MIGA1: variants seen among roughly 807,000 people sequenced by gnomAD.
MIGA1 encodes mitoguardin 1.
In MIGA1, 58 loss-of-function variants were observed where a neutral mutation model predicts 82.0. The observed-to-expected ratio is 0.71, with a 90% CI of 0.57 to 0.88. The LOEUF (loss-of-function observed/expected upper bound fraction) is 0.88. Among genes scored for constraint, MIGA1 ranks in the 40% least tolerant of loss-of-function variants. The probability of loss-of-function intolerance (pLI) is 0.00; values close to 1 mark genes in which losing one functional copy is unlikely to be tolerated. For synonymous variants in MIGA1, 249 were observed against 253.6 expected (o/e 0.98, Z 0.17); for missense variants, 751 against 749.1 (o/e 1.00, Z -0.03).
intron 8 of MIGA1, among the ~76,000 whole-genome samples, chr1:77,843,791 T>TTA (rs1378721466): frequency 1.3e-5 from 2 of 151,868 alleles, no homozygotes; most frequent in Admixed American, 6.6e-5. Context: ...GATTCAAAGA[T>TTA]TATATATATA....
intron 14 of MIGA1, 150 bp from the exon 15 acceptor site, chr1:77,872,854 G>A: frequency 1.1e-6 from 1 of 882,528 alleles, no homozygotes; most frequent in South Asian, 1.4e-5. Context: ...GAGGCCAGGA[G>A]TTTGAGGTGT....
intron 1 of MIGA1, chr1:77,782,861 T>C (rs1399840168): frequency 2.6e-5 from 26 of 984,668 alleles, no homozygotes; most frequent in Non-Finnish European, 3.1e-5. Flanking sequence ...CGCAGTTATA[T>C]GAAGGAAACC....
At chr1:77,812,547 G>A (rs1010547443) in intron 5 of MIGA1, among the ~76,000 whole-genome samples, 2 of 151,886 alleles carry the variant, frequency 1.3e-5, no homozygotes, top group African/African-American at 4.8e-5. Flanking sequence ...TGAGAGGAGA[G>A]GTATTTTTTA....
rs543249419 is a variant in MIGA1, at chr1:77,804,908, T to C, written c.510+1502T>C. Among the ~76,000 whole-genome samples the C allele has an allele frequency of 4.8e-4, 73 of 152,202 alleles. No individual in the cohort carries two copies. In the South Asian group the frequency reaches 0.015, roughly 31 times the overall value. Reference sequence around the variant, plus strand: ...TCCCAAACTGCTAGGATTACAGGCATGAGCCACCATGCCTGGCCTGTATTC... The same window carrying C: ...TCCCAAACTGCTAGGATTACAGGCACGAGCCACCATGCCTGGCCTGTATTC... On this transcript the variant is annotated intron_variant, in intron 4 of 15. Transcript: ENST00000370791.
chr1:77,818,729 C>T (rs533175873), intron 7 of MIGA1, among the ~76,000 whole-genome samples: 3 of 151,974 alleles, frequency 2.0e-5, no homozygotes, highest in South Asian at 4.2e-4. Flanking sequence ...CTGTATAGTT[C>T]GAGACCAGCC....
intron 15 of MIGA1, among the ~76,000 whole-genome samples, chr1:77,873,639 T>C (rs757163621): frequency 2.6e-5 from 4 of 152,212 alleles, no homozygotes; most frequent in Non-Finnish European, 5.9e-5. Context: ...ATACAAGTTA[T>C]AGCTCCTTAT....
intron 14 of MIGA1, among the ~76,000 whole-genome samples, chr1:77,867,347 T>C (rs916569531): frequency 2.0e-5 from 3 of 152,118 alleles, no homozygotes; most frequent in Non-Finnish European, 2.9e-5. Context: ...GTTTTAGAGA[T>C]AGGGTCTTGC....
At position 77,832,016 on chromosome 1, in the gene MIGA1, G is replaced by T. The variant is rs561877417; in HGVS notation, c.896-11291G>T. ...ATTTCATTTCCTTCTAAAATTAATT[G>T]GGCTTCATATTTTGTGTAGTTACAC... On this transcript the variant is annotated intron_variant, in intron 7 of 15. Transcript: ENST00000370791. Among the ~76,000 whole-genome samples, 11 of 152,206 alleles carry T rather than the reference G, an allele frequency of 7.2e-5. No homozygotes were observed. The South Asian group carries it at 2.3e-3, about 32-fold the overall frequency.
chr1:77,831,148 G>A (rs1684229858), intron 7 of MIGA1, among the ~76,000 whole-genome samples: 1 of 152,162 alleles, frequency 6.6e-6, no homozygotes, highest in South Asian at 2.1e-4. Context: ...ATAAGAACTT[G>A]AAAGTAAACA....
At chr1:77,792,822 C>G (rs1333274655) in intron 2 of MIGA1, among the ~76,000 whole-genome samples, 3 of 149,820 alleles carry the variant, frequency 2.0e-5, no homozygotes, top group African/African-American at 7.4e-5. Flanking sequence ...GAGTCTCACC[C>G]TTGTAGCCCA....
At chr1:77,866,685 ATTTT>A (rs67081783) in intron 14 of MIGA1, among the ~76,000 whole-genome samples, 2 of 129,148 alleles carry the variant, frequency 1.5e-5, no homozygotes, top group Non-Finnish European at 1.6e-5. Flanking sequence ...AATGATATTA[ATTTT>A]TTTTTTTTTT....
chr1:77,782,738 TAGG>T (rs1325832614), intron 1 of MIGA1: 1 of 253,792 alleles, frequency 3.9e-6, no homozygotes, highest in East Asian at 1.8e-4. Context: ...AATGAGACAA[TAGG>T]AGAATAAATG....
rs1389205528 is a variant in MIGA1 at position 77,878,645 on chromosome 1, A to G, written c.*3581A>G. On this transcript the variant is annotated 3_prime_UTR_variant, in exon 16 of 16. Transcript: ENST00000370791. Reference sequence around the variant, plus strand: ...GAAAATATCCTTTTTTCTAGAAGAAAGAAGATAAATTTTGAGGCAATTTAC... The same window carrying G: ...GAAAATATCCTTTTTTCTAGAAGAAGGAAGATAAATTTTGAGGCAATTTAC... 9.2e-6 allele frequency: 3 copies of G among 325,282 alleles called. No homozygotes were observed. Among genetic ancestry groups the G allele is most frequent in the Non-Finnish European group, 1.7e-5 (3 of 178,972 alleles). The allele number at this position is 325,282 out of a possible 1,614,324, so 20.1% of individuals were successfully genotyped here. A position where few individuals can be genotyped will look rare whatever the true frequency, so the allele number is the denominator to read the frequency against.
chr1:77,792,233 GTGT>G (rs1462441362), intron 2 of MIGA1, among the ~76,000 whole-genome samples: 1 of 152,222 alleles, frequency 6.6e-6, no homozygotes, highest in East Asian at 1.9e-4. Flanking sequence ...AGGTTCCTAT[GTGT>G]TGTTCCAAGG....
At chr1:77,807,283 T>C (rs1319564570) in intron 5 of MIGA1, among the ~76,000 whole-genome samples, 182 bp downstream of exon 5, 1 of 152,108 alleles carries the variant, frequency 6.6e-6, no homozygotes, top group Non-Finnish European at 1.5e-5. Context: ...CACCTCAGCC[T>C]CCTGAGTTGC....
chr1:77,817,294 T>A (rs762356636), intron 7 of MIGA1, among the ~76,000 whole-genome samples: 8 of 152,078 alleles, frequency 5.3e-5, no homozygotes, highest in Non-Finnish European at 8.8e-5. Context: ...GGGGTCTTAG[T>A]TTTGGGGGCT....
chr1:77,788,674 C>A (rs1399259153), intron 2 of MIGA1, among the ~76,000 whole-genome samples: 1 of 151,970 alleles, frequency 6.6e-6, no homozygotes, highest in African/African-American at 2.4e-5. Flanking sequence ...TCCAGTTTTC[C>A]CTATACCATT....
intron 2 of MIGA1, among the ~76,000 whole-genome samples, chr1:77,793,783 CTTTTT>C (rs1175821307): frequency 1.8e-5 from 2 of 114,154 alleles, no homozygotes; most frequent in Admixed American, 9.1e-5. Context: ...AAAATTTTAT[CTTTTT>C]TTTTTTTTTT....
intron 2 of MIGA1, among the ~76,000 whole-genome samples, chr1:77,799,223 G>T (rs778903771): frequency 3.9e-5 from 6 of 152,064 alleles, no homozygotes; most frequent in East Asian, 3.9e-4. Context: ...ACAATTTTTT[G>T]ACTTCAAGAT....
Sources: allele counts gnomAD v4.1 joint callset (sites outside exome capture counted in the v4.1 genomes callset), GRCh38; gene constraint gnomAD v4.1.1; transcripts MANE v1.5; gene names NCBI Gene and HGNC (gene_info 2026-07-23, HGNC 2026-07-21).